ACOT11: variants seen among roughly 807,000 people sequenced by gnomAD.
ACOT11 encodes the protein acyl-CoA thioesterase 11.
ACOT11 carries 69 observed loss-of-function variants against 77.5 expected under a neutral mutation model. The observed-to-expected ratio is 0.89, with a 90% CI of 0.73 to 1.09. ACOT11 has a LOEUF of 1.09. ACOT11 is among the 50% of genes least tolerant of loss of function. The pLI is 0.00. For missense variants in ACOT11, 766 were observed against 813.7 expected, an observed-to-expected ratio of 0.94 and a Z score of 0.71; for synonymous variants, 279 against 313.0, an observed-to-expected ratio of 0.89 and a Z score of 1.15.
At chr1:54,597,192 G>T (rs1422764573) in intron 6 of ACOT11, 67 bp from the exon 7 acceptor site, 4 of 1,586,988 alleles carry the variant, frequency 2.5e-6, no homozygotes, top group Admixed American at 1.7e-5. Flanking sequence ...GGCTGCCTGT[G>T]GGGAGGGGCT....
downstream of ACOT11, chr1:54,614,813 C>G: frequency 6.2e-7 from 1 of 1,614,094 alleles, no homozygotes; most frequent in Non-Finnish European, 8.5e-7. Context: ...GCAGGAGGTC[C>G]AGGGAGGGGC....
intron 3 of ACOT11, among the ~76,000 whole-genome samples, chr1:54,590,728 A>G (rs1654681664): frequency 6.6e-6 from 1 of 152,112 alleles, no homozygotes; most frequent in African/African-American, 2.4e-5. Context: ...TGCTGTATCT[A>G]TGTATGGACA....
intron 1 of ACOT11, among the ~76,000 whole-genome samples, chr1:54,570,194 C>A (rs1653884443): frequency 6.6e-6 from 1 of 152,194 alleles, no homozygotes; most frequent in Non-Finnish European, 1.5e-5. Context: ...GGCTTCCCAG[C>A]AGTTGTGGAG....
At chr1:54,608,096 C>G (rs755249809) in intron 15 of ACOT11, 28 bp downstream of exon 15, 41 of 1,598,590 alleles carry the variant, frequency 2.6e-5, no homozygotes, top group Non-Finnish European at 3.2e-5. Flanking sequence ...AACCACGCCC[C>G]CAGCCTGGCT....
At chr1:54,637,589 T>A (rs1406947890) in exon 17 of ACOT11, 1 of 151,452 alleles carries the variant, frequency 6.6e-6, no homozygotes, top group Non-Finnish European at 1.5e-5. Context: ...TCGAGACCAG[T>A]CTGGCCAACA....
At chr1:54,580,851 T>C (rs193237139) in intron 1 of ACOT11, among the ~76,000 whole-genome samples, 4 of 152,314 alleles carry the variant, frequency 2.6e-5, no homozygotes, top group Admixed American at 2.0e-4. Flanking sequence ...AGAGCTCACC[T>C]AGCAGACAGG....
chr1:54,609,718 G>A lies in ACOT11; in HGVS notation c.*606G>A. 6.2e-7 allele frequency: 1 copy of A among 1,614,148 alleles called. No individual in the cohort carries two copies. The highest frequency in any genetic ancestry group is 8.5e-7 in the Non-Finnish European group (1 of 1,180,012). ...CCCCAACCCACACAGGCCAATGCAA[G>A]AGGCCAAGGCTGGAGAGGCGTGCCA... On this transcript the variant is annotated 3_prime_UTR_variant, in exon 16 of 16. Transcript: ENST00000343744.
Position 54,584,636 on chromosome 1 carries a change from G to A in ACOT11, c.34-19G>A, listed in dbSNP as rs1217645322. 5 of 1,611,732 alleles carry A rather than the reference G, an allele frequency of 3.1e-6. No homozygotes were observed. On this transcript the variant is annotated intron_variant, in intron 1 of 15. Coordinates refer to ENST00000343744, the MANE Select transcript of ACOT11 (RefSeq NM_147161.4). The surrounding 1 kb of genome is among the most constrained non-coding windows in gnomAD (Gnocchi z 6.3). ...CAAGCAGACCTCTCTGTCCCCACCT[G>A]TCCCCACCTGTACCCCAGGGCTTGG...
At chr1:54,627,826 A>G (rs1297249859) in intron 15 of ACOT11, among the ~76,000 whole-genome samples, 4 of 133,372 alleles carry the variant, frequency 3.0e-5, no homozygotes, top group African/African-American at 1.0e-4. Context: ...AAGACCTTCC[A>G]GACAAAGGGT....
At chr1:54,572,568 G>A (rs1557651914) in intron 1 of ACOT11, among the ~76,000 whole-genome samples, 2 of 152,072 alleles carry the variant, frequency 1.3e-5, no homozygotes. Context: ...CAGCTCCCCT[G>A]AGGGGGGGGG....
rs1037150549 is a variant in ACOT11, at chr1:54,592,414, A to T, written c.312-132A>T. On this transcript the variant is annotated intron_variant, in intron 3 of 15. Coordinates refer to ENST00000343744, the MANE Select transcript of ACOT11 (RefSeq NM_147161.4). ...CTTTGAGGACTTGGTGGTATCGCAG[A>T]TGTGAATATGCCCTGCAAGCCATGA... 3 of 792,266 alleles carry T rather than the reference A, an allele frequency of 3.8e-6. No homozygotes were observed. In the African/African-American group the frequency reaches 5.3e-5, roughly 14 times the overall value. The allele number at this position is 792,266 out of a possible 1,614,324, so 49.1% of individuals were successfully genotyped here.
At chr1:54,557,715 G>A (rs1379938068) in intron 1 of ACOT11, among the ~76,000 whole-genome samples, 1 of 152,094 alleles carries the variant, frequency 6.6e-6, no homozygotes, top group Admixed American at 6.6e-5. Context: ...ACTGACTTTT[G>A]TATGTTGATT....
chr1:54,554,903 A>T (rs1362725338), intron 1 of ACOT11, among the ~76,000 whole-genome samples: 2 of 152,204 alleles, frequency 1.3e-5, no homozygotes, highest in Admixed American at 1.3e-4. Context: ...GAACAGTGTC[A>T]AAAGGTTGCC....
rs568890980 is a variant in ACOT11, at chr1:54,607,591, T to C, written c.1502+326T>C. Among the ~76,000 whole-genome samples, 1 of 152,228 alleles carries C rather than the reference T, an allele frequency of 6.6e-6. No individual in the cohort carries two copies. Among genetic ancestry groups the C allele is most frequent in the South Asian group, 2.1e-4 (1 of 4,826 alleles). ...CTTGGCCTCCTCCCTCTGACAGCCC[T>C]GTGTGGGCTGGAGGGCCTAAACATC... On this transcript the variant is annotated intron_variant, in intron 14 of 15. Coordinates refer to ENST00000343744, the MANE Select transcript of ACOT11 (RefSeq NM_147161.4). This position sits in a 1 kb window ranked among gnomAD's most constrained non-coding sequence, Gnocchi z 4.5.
In ACOT11 at chr1:54,605,133, G is replaced by C; in HGVS notation, c.1294G>C (p.Val432Leu). 6.2e-7 allele frequency: 1 copy of C among 1,613,984 alleles called. No individual in the cohort carries two copies. Among genetic ancestry groups the C allele is most frequent in the Non-Finnish European group, 8.5e-7 (1 of 1,180,030 alleles). The change falls in exon 13 of 16, where the codon GTG becomes CTG. Residue 432 changes from valine to leucine, a missense_variant. Physicochemically the swap from Val to Leu is conservative, Grantham distance 32. Transcript: ENST00000343744. The part of the protein sequence containing the change: ...KFLSFHMEMV[V>L]HVDAAQAFLL... ...CCTCTCCTTCCACATGGAGATGGTGGTGCATGTGGATGCAGCCCAGGCCTT... is the reference window on the plus strand; with the variant it reads ...CCTCTCCTTCCACATGGAGATGGTGCTGCATGTGGATGCAGCCCAGGCCTT...
At chr1:54,593,457 GGT>G (rs1491197537) in intron 4 of ACOT11, among the ~76,000 whole-genome samples, 3 of 121,680 alleles carry the variant, frequency 2.5e-5, no homozygotes, top group African/African-American at 1.1e-4. Flanking sequence ...GTGTGTGTGT[GGT>G]TTTTTTTTTT....
At chr1:54,617,044 C>T (rs1476805064) in intron 15 of ACOT11, among the ~76,000 whole-genome samples, 3 of 152,198 alleles carry the variant, frequency 2.0e-5, no homozygotes, top group Non-Finnish European at 4.4e-5. Context: ...AAACTGCTTT[C>T]CGGAAAAGTT....
intron 15 of ACOT11, 129 bp downstream of exon 15, chr1:54,608,197 T>TGGAA: frequency 3.7e-6 from 3 of 821,882 alleles, no homozygotes; most frequent in Non-Finnish European, 5.5e-6. Flanking sequence ...CCTTCCAGCC[T>TGGAA]GGGGGAGCCT....
intron 1 of ACOT11, among the ~76,000 whole-genome samples, chr1:54,549,801 G>A (rs922630563): frequency 9.9e-5 from 15 of 152,254 alleles, no homozygotes; most frequent in African/African-American, 3.4e-4. Context: ...GAGTAGCAGG[G>A]CCGCTTGCTC....
Sources: allele counts gnomAD v4.1 joint callset (sites outside exome capture counted in the v4.1 genomes callset), GRCh38; gene constraint gnomAD v4.1.1; non-coding constraint Gnocchi (gnomAD v3.1); transcripts MANE v1.5; gene names NCBI Gene and HGNC (gene_info 2026-07-23, HGNC 2026-07-21).